The following CLCN3 variants were observed in gnomAD, a reference collection of about 807,000 sequenced individuals.
CLCN3 encodes H(+)/Cl(-) exchange transporter 3.
In CLCN3, 16 loss-of-function variants were observed where a neutral mutation model predicts 83.4. The observed-to-expected ratio is 0.19, with a 90% CI of 0.13 to 0.29. The LOEUF is 0.29. Ranked by LOEUF, CLCN3 falls within the 10% of genes least tolerant of loss-of-function variation. CLCN3 has a pLI of 1.00. For synonymous variants in CLCN3, 322 were observed against 346.2 expected (o/e 0.93, Z 0.78); for missense variants, 544 against 1,006.0 (o/e 0.54, Z 6.21).
intron 1 of CLCN3, among the ~76,000 whole-genome samples, chr4:169,630,758 A>G (rs943362110): frequency 2.6e-5 from 4 of 152,006 alleles, no homozygotes; most frequent in Admixed American, 6.6e-5. Flanking sequence ...TGAACTTCTG[A>G]CCTCAGGTGA....
chr4:169,627,062 C>T lies in CLCN3; in HGVS notation c.-17+5999C>T, dbSNP rs527287779. 7.3e-4 allele frequency among the ~76,000 whole-genome samples: 111 copies of T among 152,294 alleles called. 1 individual carries two copies. Among genetic ancestry groups the T allele is most frequent in the African/African-American group, 2.4e-3 (101 of 41,566 alleles). ...AGTGTTGGCTTACTAAAATTCATGT[C>T]TGATCATGTGATTTCTCTAAAGTTC... On this transcript the variant is annotated intron_variant, in intron 1 of 12. Coordinates refer to ENST00000513761, the MANE Select transcript of CLCN3 (RefSeq NM_001829.4).
At chr4:169,715,300 G>A (rs926283680) in intron 12 of CLCN3, among the ~76,000 whole-genome samples, 8 of 151,966 alleles carry the variant, frequency 5.3e-5, no homozygotes, top group Admixed American at 3.3e-4. Flanking sequence ...ATTTTGTCTG[G>A]TCCTGCCTGT....
intron 2 of CLCN3, among the ~76,000 whole-genome samples, chr4:169,667,280 T>C (rs910774471): frequency 3.3e-5 from 5 of 151,634 alleles, no homozygotes; most frequent in African/African-American, 9.7e-5. Context: ...AATATTTCTT[T>C]AAAGAATAAT....
chr4:169,651,655 CAAG>C (rs1005329859), intron 2 of CLCN3, among the ~76,000 whole-genome samples: 20 of 152,202 alleles, frequency 1.3e-4, no homozygotes, highest in African/African-American at 3.1e-4. Context: ...GGAATCATGA[CAAG>C]AAGAAGAAGC....
rs771142045 is a variant in CLCN3 at position 169,719,909 on chromosome 4, G to T, written c.2369G>T (p.Arg790Leu). The change falls in exon 13 of 13, where the codon CGC becomes CTC. Residue 790 changes from arginine to leucine, a missense_variant and splice_region_variant. Physicochemically the swap from Arg to Leu is moderately radical, Grantham distance 102. This residue lies in a region of CLCN3 where 142 missense variants were observed against 225.0 expected (regional missense o/e 0.63). Transcript: ENST00000513761. ...LRQCLVTHNGRLLGIITKKDI... is the reference protein window; with the variant it reads ...LRQCLVTHNGLLLGIITKKDI... ...AGTCTTCTGTTTATTCCTTTCAGGC[G>T]CCTCCTTGGCATTATAACAAAAAAA... is the stretch of plus-strand genomic sequence containing the variant. 6.2e-7 allele frequency: 1 copy of T among 1,604,368 alleles called. No homozygotes were observed. Among genetic ancestry groups the T allele is most frequent in the Non-Finnish European group, 8.5e-7 (1 of 1,177,000 alleles).
At chr4:169,702,795 A>AAAAAG (rs1560869291) in intron 9 of CLCN3, 4 of 301,064 alleles carry the variant, frequency 1.3e-5, no homozygotes, top group South Asian at 5.5e-5. Context: ...AAAAAAAAAA[A>AAAAAG]AAGAAAGCCA....
Position 169,626,572 on chromosome 4 carries a change from G to A in CLCN3, c.-17+5509G>A, listed in dbSNP as rs188308478. ...GGTCTTATGACCCACAGTCAGACAG[G>A]CTGTGGAAGATTAGAGTTCTGCCTT... On this transcript the variant is annotated intron_variant, in intron 1 of 12. Coordinates refer to ENST00000513761, the MANE Select transcript of CLCN3 (RefSeq NM_001829.4). 2.1e-4 allele frequency among the ~76,000 whole-genome samples: 32 copies of A among 152,330 alleles called. No homozygotes were observed. In the East Asian group the frequency reaches 5.6e-3, roughly 27 times the overall value.
chr4:169,720,306 G>A lies in CLCN3; in HGVS notation c.*309G>A, dbSNP rs1449883897. The A allele has an allele frequency of 2.5e-6, 1 of 394,820 alleles. No homozygotes were observed. The highest frequency in any genetic ancestry group is 4.3e-5 in the East Asian group (1 of 23,294). The allele number at this position is 394,820 out of a possible 1,614,324, so 24.5% of individuals were successfully genotyped here. On this transcript the variant is annotated 3_prime_UTR_variant, in exon 13 of 13. Coordinates refer to ENST00000513761, the MANE Select transcript of CLCN3 (RefSeq NM_001829.4). ...AGGATGTGCCTGATAGTGCAGGCTT[G>A]CGCCTCAACAGAGATGACAGCAGAG...
chr4:169,662,338 G>C (rs1731084661), intron 2 of CLCN3, among the ~76,000 whole-genome samples: 1 of 152,132 alleles, frequency 6.6e-6, no homozygotes. Flanking sequence ...ATGTGTAGTA[G>C]AGATAAGTCA....
intron 3 of CLCN3, chr4:169,680,508 G>C (rs754901692): frequency 8.6e-6 from 2 of 232,274 alleles, no homozygotes; most frequent in Non-Finnish European, 1.6e-5. Flanking sequence ...AACAAGCCAA[G>C]TTCCAGATAT....
chr4:169,672,896 C>G (rs2150231197), intron 2 of CLCN3, among the ~76,000 whole-genome samples: 1 of 152,216 alleles, frequency 6.6e-6, no homozygotes, highest in East Asian at 1.9e-4. Context: ...AACTCCTGAC[C>G]TTGTGATCCA....
chr4:169,690,370 T>C (rs111582472), intron 5 of CLCN3, among the ~76,000 whole-genome samples, 160 bp from the exon 6 acceptor site: 5,745 of 152,202 alleles, frequency 0.038, 137 homozygotes, highest in South Asian at 0.081. Context: ...AGTCTCGAAC[T>C]CCTGACCTCA....
At chr4:169,705,033 A>G (rs1219823925) in intron 10 of CLCN3, among the ~76,000 whole-genome samples, 2 of 152,220 alleles carry the variant, frequency 1.3e-5, no homozygotes, top group Non-Finnish European at 2.9e-5. Context: ...AATCAAGTTG[A>G]GGAGACAAGA....
At chr4:169,668,042 C>CTTTT (rs780656327) in intron 2 of CLCN3, among the ~76,000 whole-genome samples, 1 of 93,630 alleles carries the variant, frequency 1.1e-5, no homozygotes, top group African/African-American at 4.4e-5. Flanking sequence ...CCCGGCCAGA[C>CTTTT]ATTTTTTTTT....
chr4:169,709,838 T>C (rs977489446), intron 11 of CLCN3, among the ~76,000 whole-genome samples: 2 of 152,088 alleles, frequency 1.3e-5, no homozygotes, highest in African/African-American at 4.8e-5. Context: ...ATGAGTAGCA[T>C]CAAAAATATT....
intron 11 of CLCN3, among the ~76,000 whole-genome samples, chr4:169,709,838 T>G (rs977489446): frequency 6.6e-6 from 1 of 152,088 alleles, no homozygotes; most frequent in Admixed American, 6.6e-5. Context: ...ATGAGTAGCA[T>G]CAAAAATATT....
At chr4:169,651,067 T>C (rs1161282078) in intron 2 of CLCN3, among the ~76,000 whole-genome samples, 1 of 152,108 alleles carries the variant, frequency 6.6e-6, no homozygotes, top group Non-Finnish European at 1.5e-5. Context: ...TGGATAGATA[T>C]CATCAGAAAG....
intron 2 of CLCN3, among the ~76,000 whole-genome samples, chr4:169,667,291 G>T (rs1239523597): frequency 1.3e-5 from 2 of 150,362 alleles, no homozygotes; most frequent in Admixed American, 6.6e-5. Context: ...AAAGAATAAT[G>T]AATCCTTTTT....
chr4:169,698,401 GTC>G (rs111838822), intron 9 of CLCN3, among the ~76,000 whole-genome samples: 2 of 151,946 alleles, frequency 1.3e-5, no homozygotes, highest in Admixed American at 1.3e-4. Context: ...CACTCCCGCT[GTC>G]TCTCTCTCTT....
Sources: allele counts gnomAD v4.1 joint callset (sites outside exome capture counted in the v4.1 genomes callset), GRCh38; gene constraint gnomAD v4.1.1; regional missense constraint gnomAD v4.1.1; transcripts MANE v1.5; gene names NCBI Gene and HGNC (gene_info 2026-07-23, HGNC 2026-07-21).